MARK2: variants seen among roughly 807,000 people sequenced by gnomAD.
The protein encoded by MARK2 is microtubule affinity regulating kinase 2.
Under a neutral mutation model 89.8 loss-of-function variants are expected in MARK2, and 16 were observed. The observed-to-expected ratio is 0.18, with a 90% CI of 0.12 to 0.27. The LOEUF (loss-of-function observed/expected upper bound fraction) is 0.27, where lower values mean the gene tolerates loss of function less well. Among genes scored for constraint, MARK2 ranks in the 10% least tolerant of loss-of-function variants. The pLI is 1.00. For synonymous variants in MARK2, 382 were observed against 399.5 expected, an observed-to-expected ratio of 0.96 and a Z score of 0.52; for missense variants, 621 against 1,049.9, an observed-to-expected ratio of 0.59 and a Z score of 5.65.
intron 1 of MARK2, among the ~76,000 whole-genome samples, chr11:63,839,957 C>T (rs908171405): frequency 7.2e-5 from 11 of 152,146 alleles, no homozygotes; most frequent in African/African-American, 2.7e-4. Flanking sequence ...TCGTTGTCCA[C>T]CTCTCCCTTC....
intron 1 of MARK2, among the ~76,000 whole-genome samples, chr11:63,859,510 A>C (rs562533219): frequency 9.5e-4 from 145 of 151,866 alleles, no homozygotes; most frequent in African/African-American, 3.4e-3. Flanking sequence ...TAGTAGAGAA[A>C]GGGTTTCACC....
At chr11:63,889,777 C>A (rs914563185) in intron 1 of MARK2, among the ~76,000 whole-genome samples, 3 of 152,232 alleles carry the variant, frequency 2.0e-5, no homozygotes, top group African/African-American at 7.2e-5. Flanking sequence ...TGCAGGGTGA[C>A]CCCTTATTCT....
At position 63,900,854 on chromosome 11, in the gene MARK2, T is replaced by C. The variant is rs771544408; in HGVS notation, c.963T>C (p.Pro321=). Residue 321 remains proline, a synonymous_variant, in exon 10 of 19, where the codon CCT becomes CCC. Transcript: ENST00000402010. This position sits in a 1 kb window ranked among gnomAD's most constrained non-coding sequence, Gnocchi z 4.7. ...TAAAGCCTTACGTGGAGCCACTCCC[T>C]GACTACAAGGACCCCCGGCGGACAG... is the stretch of plus-strand genomic sequence containing the variant. ...DELKPYVEPL[P]DYKDPRRTEL... is the part of the protein sequence containing the mutation. 2 of 1,614,176 alleles carry C rather than the reference T, an allele frequency of 1.2e-6. No homozygotes were observed. Among genetic ancestry groups the C allele is most frequent in the South Asian group, 2.2e-5 (2 of 91,088 alleles).
At chr11:63,906,028 CTTG>C (rs1941298690) in intron 16 of MARK2, 57 bp from the exon 17 acceptor site, 2 of 1,320,390 alleles carry the variant, frequency 1.5e-6, no homozygotes, top group African/African-American at 3.0e-5. Flanking sequence ...CACATACCGT[CTTG>C]TTGGTTTTTT....
Position 63,903,252 on chromosome 11 carries a change from G to A in MARK2, c.1514+94G>A, listed in dbSNP as rs72934177. 9.7e-3 allele frequency: 9,430 copies of A among 967,610 alleles called. 81 individuals are homozygous for A. Among genetic ancestry groups the A allele is most frequent in the Non-Finnish European group, 0.012 (7,258 of 609,440 alleles). 59.9% of individuals were successfully genotyped at this position (967,610 alleles called of 1,614,324 possible). ...AGCACCGTCTCCTGTCCCTGCCAGC[G>A]CATTGCTCCCTGCTCCCTGGAGTTC... On this transcript the variant is annotated intron_variant, in intron 14 of 18. Coordinates refer to ENST00000402010, the MANE Select transcript of MARK2 (RefSeq NM_001039469.3). The surrounding 1 kb of genome is among the most constrained non-coding windows in gnomAD (Gnocchi z 5.1).
At chr11:63,890,544 G>A (rs1325115463) in intron 1 of MARK2, among the ~76,000 whole-genome samples, 1 of 152,214 alleles carries the variant, frequency 6.6e-6, no homozygotes, top group Non-Finnish European at 1.5e-5. Flanking sequence ...GGCTAGAGGT[G>A]CTGGTGTCGG....
intron 16 of MARK2, 76 bp downstream of exon 16, chr11:63,905,119 G>C: frequency 6.9e-7 from 1 of 1,445,156 alleles, no homozygotes. Flanking sequence ...TTGGGGGTTG[G>C]GGGTTGGGGT....
rs1590699133 is a variant in MARK2, at chr11:63,903,323, C to T, written c.1514+165C>T. On this transcript the variant is annotated intron_variant, in intron 14 of 18. Transcript: ENST00000402010. The surrounding 1 kb of genome is among the most constrained non-coding windows in gnomAD (Gnocchi z 5.1). Reference sequence around the variant, plus strand: ...CAGCTTTCCCCTCCCCTATTCCACGCCATTGCCTCCTCCCCATCTTCCTCT... The same window carrying T: ...CAGCTTTCCCCTCCCCTATTCCACGTCATTGCCTCCTCCCCATCTTCCTCT... 3.2e-6 allele frequency: 2 copies of T among 616,602 alleles called. No homozygotes were observed. The highest frequency in any genetic ancestry group is 2.8e-5 in the East Asian group (1 of 35,938). 38.2% of individuals were successfully genotyped at this position (616,602 alleles called of 1,614,324 possible).
chr11:63,878,719 C>T (rs1938923686), intron 1 of MARK2, among the ~76,000 whole-genome samples: 1 of 152,012 alleles, frequency 6.6e-6, no homozygotes. Context: ...CTAGGGAGCC[C>T]CCGTGTCTGC....
At chr11:63,895,709 G>A (rs780201401) in intron 3 of MARK2, 76 bp downstream of exon 3, 32 of 1,241,544 alleles carry the variant, frequency 2.6e-5, no homozygotes, top group Middle Eastern at 2.5e-4. Flanking sequence ...CACTCTTGTC[G>A]CCCAGGCTGG....
intron 1 of MARK2, among the ~76,000 whole-genome samples, chr11:63,878,144 G>C (rs1334256601): frequency 6.6e-6 from 1 of 152,142 alleles, no homozygotes; most frequent in East Asian, 1.9e-4. Context: ...GTTATGTCAG[G>C]GTACTGTTGC....
At chr11:63,907,169 G>A (rs1481562255) in intron 17 of MARK2, among the ~76,000 whole-genome samples, 1 of 152,210 alleles carries the variant, frequency 6.6e-6, no homozygotes, top group Non-Finnish European at 1.5e-5. Flanking sequence ...GGACTGGGAT[G>A]CCTGGCAGGC....
chr11:63,905,843 C>T (rs1473660868), intron 16 of MARK2, among the ~76,000 whole-genome samples: 1 of 152,182 alleles, frequency 6.6e-6, no homozygotes, highest in Non-Finnish European at 1.5e-5. Context: ...ACGTTTCACT[C>T]CACTCTGCTG....
chr11:63,890,287 G>A (rs1286484050), intron 1 of MARK2: 1 of 1,344,708 alleles, frequency 7.4e-7, no homozygotes, highest in Admixed American at 1.9e-5. Flanking sequence ...TAGAAGAAGG[G>A]GTGCAGGGGT....
intron 1 of MARK2, among the ~76,000 whole-genome samples, chr11:63,883,706 TC>T (rs994495028): frequency 1.3e-5 from 2 of 152,058 alleles, no homozygotes; most frequent in African/African-American, 4.8e-5. Context: ...CACCTCAGCC[TC>T]CCAAGTAGCT....
At chr11:63,854,880 G>C (rs560915831) in intron 1 of MARK2, among the ~76,000 whole-genome samples, 12 of 151,490 alleles carry the variant, frequency 7.9e-5, no homozygotes, top group African/African-American at 2.7e-4. Flanking sequence ...CATTGCTGCT[G>C]TATGCCAAAC....
intron 1 of MARK2, among the ~76,000 whole-genome samples, chr11:63,889,479 C>T (rs1366767238): frequency 6.6e-6 from 1 of 152,228 alleles, no homozygotes; most frequent in Non-Finnish European, 1.5e-5. Flanking sequence ...TGGTAGGAGC[C>T]TCCAGCATTA....
chr11:63,848,681 G>C (rs1305667424), intron 1 of MARK2, among the ~76,000 whole-genome samples: 3 of 151,530 alleles, frequency 2.0e-5, no homozygotes, highest in African/African-American at 7.3e-5. Flanking sequence ...CTCCCGAGTA[G>C]CTGGGACTTC....
intron 1 of MARK2, among the ~76,000 whole-genome samples, chr11:63,859,081 GT>G (rs376409490): frequency 3.4e-5 from 5 of 147,178 alleles, no homozygotes; most frequent in East Asian, 2.0e-4. Flanking sequence ...GTGTTTTTTT[GT>G]TTTTTTTTTA....
Sources: gnomAD v4.1 joint callset for allele counts (sites outside exome capture counted in the v4.1 genomes callset) on GRCh38, gnomAD v4.1.1 for gene constraint, Gnocchi (gnomAD v3.1) non-coding constraint, MANE v1.5 for transcripts, NCBI Gene and HGNC (gene_info 2026-07-23, HGNC 2026-07-21) for gene names.